Variants in ASB18 observed in about 807,000 individuals in gnomAD.
ASB18 encodes ankyrin repeat and SOCS box protein 18.
In ASB18, 33 loss-of-function variants were observed where a neutral mutation model predicts 33.4. That is an observed-to-expected ratio of 0.99 (90% confidence interval 0.75 to 1.32). The LOEUF (loss-of-function observed/expected upper bound fraction) is 1.32, where lower values mean the gene tolerates loss of function less well. ASB18 is among the 40% of genes most tolerant of loss of function. The pLI, the probability that ASB18 is intolerant of heterozygous loss-of-function variation, is 0.00. For synonymous variants in ASB18, 295 were observed against 307.6 expected (o/e 0.96, Z 0.43); for missense variants, 694 against 655.5 (o/e 1.06, Z -0.64).
In ASB18 at chr2:236,196,739, A is replaced by G. The variant is rs911602244; in HGVS notation, c.1102-354T>C. ...AGAGCTGCTCAGAGAAAAGGAATGA[A>G]GTTCTGCTAGGAGGAAGTTTGGCCC... On this transcript the variant is annotated intron_variant, in intron 4 of 5. Coordinates refer to ENST00000409749, the MANE Select transcript of ASB18 (RefSeq NM_212556.4). The surrounding 1 kb of genome is among the most constrained non-coding windows in gnomAD (Gnocchi z 5.6). Among the ~76,000 whole-genome samples, 3 of 152,174 alleles carry G rather than the reference A, an allele frequency of 2.0e-5. No individual in the cohort carries two copies. Among genetic ancestry groups the G allele is most frequent in the Non-Finnish European group, 2.9e-5 (2 of 68,030 alleles).
chr2:236,260,988 CAG>C lies in ASB18; in HGVS notation c.205+3151_205+3152del, dbSNP rs1253045109. ...ATGGAGACGTTGGTCTCGAGACAGA[CAG>C]TGAGTTTCCTGAGGTTACACAGCTC... On this transcript the variant is annotated intron_variant, in intron 1 of 5. Transcript: ENST00000409749. The surrounding 1 kb of genome is among the most constrained non-coding windows in gnomAD (Gnocchi z 5.1). Among the ~76,000 whole-genome samples the C allele has an allele frequency of 6.6e-6, 1 of 152,164 alleles. No individual in the cohort carries two copies. The highest frequency in any genetic ancestry group is 6.5e-5 in the Admixed American group (1 of 15,278).
chr2:236,198,743 C>T (rs1034352570), intron 4 of ASB18, among the ~76,000 whole-genome samples: 2 of 152,104 alleles, frequency 1.3e-5, no homozygotes. Context: ...ATGTCTTTTG[C>T]TCATTTTTCT....
At chr2:236,240,379 T>G (rs2060615950) in intron 2 of ASB18, among the ~76,000 whole-genome samples, 1 of 152,238 alleles carries the variant, frequency 6.6e-6, no homozygotes, top group South Asian at 2.1e-4. Context: ...GTCAGTTCTT[T>G]GGAAGCCAAC....
intron 4 of ASB18, among the ~76,000 whole-genome samples, chr2:236,207,860 G>A (rs2060442001): frequency 1.3e-5 from 2 of 150,648 alleles, no homozygotes; most frequent in South Asian, 4.2e-4. Context: ...TGACAGCCTG[G>A]AAACTTACGG....
rs1318130898 is a variant in ASB18 at position 236,205,338 on chromosome 2, CT to C, written c.1102-8954del. Among the ~76,000 whole-genome samples, 4 of 152,212 alleles carry C rather than the reference CT, an allele frequency of 2.6e-5. No homozygotes were observed. The highest frequency in any genetic ancestry group is 9.6e-5 in the African/African-American group (4 of 41,464). On this transcript the variant is annotated intron_variant, in intron 4 of 5. Transcript: ENST00000409749. This position sits in a 1 kb window ranked among gnomAD's most constrained non-coding sequence, Gnocchi z 5.4. Reference sequence around the variant, plus strand: ...GTGCGCAGGGCTGGCCCACTCCAGCCTTAGGCTACAGATGGCTGGTCCTCTG... The same window carrying C: ...GTGCGCAGGGCTGGCCCACTCCAGCCTAGGCTACAGATGGCTGGTCCTCTG...
chr2:236,220,954 C>T lies in ASB18; in HGVS notation c.597-6088G>A, dbSNP rs1035829335. 6.6e-6 allele frequency among the ~76,000 whole-genome samples: 1 copy of T among 152,166 alleles called. No homozygotes were observed. Among genetic ancestry groups the T allele is most frequent in the East Asian group, 1.9e-4 (1 of 5,188 alleles). ...ACAGGACACTGAAGGCAGGGCAAGGCGACCCATGGACCTCATTCTACGGGG... is the reference window on the plus strand; with the variant it reads ...ACAGGACACTGAAGGCAGGGCAAGGTGACCCATGGACCTCATTCTACGGGG... On this transcript the variant is annotated intron_variant, in intron 3 of 5. Transcript: ENST00000409749. This position sits in a 1 kb window ranked among gnomAD's most constrained non-coding sequence, Gnocchi z 5.1.
chr2:236,263,636 G>A lies in ASB18; in HGVS notation c.205+505C>T, dbSNP rs543703851. ...TATAATCCCAAAAAAGAAAAAAGCC[G>A]TATGAATCCTAATAAAGATGTTCGT... On this transcript the variant is annotated intron_variant, in intron 1 of 5. Coordinates refer to ENST00000409749, the MANE Select transcript of ASB18 (RefSeq NM_212556.4). The surrounding 1 kb of genome is among the most constrained non-coding windows in gnomAD (Gnocchi z 4.0). Among the ~76,000 whole-genome samples the A allele has an allele frequency of 5.3e-5, 8 of 152,282 alleles. No homozygotes were observed. In the East Asian group the frequency reaches 5.8e-4, roughly 11 times the overall value.
rs1239375043 is a variant in ASB18 at position 236,252,194 on chromosome 2, C to T, written c.206-10792G>A. ...GCTGAGACAGGAGAATTGCTTGAAC[C>T]CAGGAGGCAGAGGTTGCAGTGAGCC... On this transcript the variant is annotated intron_variant, in intron 1 of 5. Transcript: ENST00000409749. The surrounding 1 kb of genome is among the most constrained non-coding windows in gnomAD (Gnocchi z 7.9). 6.6e-6 allele frequency among the ~76,000 whole-genome samples: 1 copy of T among 151,456 alleles called. No individual in the cohort carries two copies. The highest frequency in any genetic ancestry group is 2.4e-5 in the African/African-American group (1 of 41,268).
In ASB18 at chr2:236,259,121, T is replaced by G. The variant is rs2060706664; in HGVS notation, c.205+5020A>C. 6.6e-6 allele frequency among the ~76,000 whole-genome samples: 1 copy of G among 152,216 alleles called. No individual in the cohort carries two copies. The highest frequency in any genetic ancestry group is 6.5e-5 in the Admixed American group (1 of 15,286). On this transcript the variant is annotated intron_variant, in intron 1 of 5. Coordinates refer to ENST00000409749, the MANE Select transcript of ASB18 (RefSeq NM_212556.4). The surrounding 1 kb of genome is among the most constrained non-coding windows in gnomAD (Gnocchi z 4.4). ...TCTGCAGCTACTAACCAATTGGTAT[T>G]GAAAAGAGGCAAGCACAAATAATGC...
In ASB18 at chr2:236,235,518, C is replaced by T. The variant is rs998493484; in HGVS notation, c.596+2171G>A. ...AAGTTCATGAAACAATGCTCAACAT[C>T]GCTAGTTACCAGGGAAATGAAAATC... On this transcript the variant is annotated intron_variant, in intron 3 of 5. Coordinates refer to ENST00000409749, the MANE Select transcript of ASB18 (RefSeq NM_212556.4). This position sits in a 1 kb window ranked among gnomAD's most constrained non-coding sequence, Gnocchi z 6.2. 9.2e-5 allele frequency among the ~76,000 whole-genome samples: 14 copies of T among 152,186 alleles called. No individual in the cohort carries two copies. Among genetic ancestry groups the T allele is most frequent in the African/African-American group, 2.9e-4 (12 of 41,442 alleles).
chr2:236,245,785 G>T lies in ASB18; in HGVS notation c.206-4383C>A, dbSNP rs575226388. The stretch of plus-strand genomic sequence containing the variant: ...TGGGAAGTTCTTCATGCCCCGCATG[G>T]TGTTCCACACAGAGAAGGTCTTCAA... On this transcript the variant is annotated intron_variant, in intron 1 of 5. Coordinates refer to ENST00000409749, the MANE Select transcript of ASB18 (RefSeq NM_212556.4). The surrounding 1 kb of genome is among the most constrained non-coding windows in gnomAD (Gnocchi z 4.7). Among the ~76,000 whole-genome samples the T allele has an allele frequency of 1.3e-5, 2 of 152,350 alleles. No individual in the cohort carries two copies. Among genetic ancestry groups the T allele is most frequent in the Non-Finnish European group, 2.9e-5 (2 of 68,036 alleles).
Position 236,214,622 on chromosome 2 carries a change from G to A in ASB18, c.841C>T (p.Arg281Trp), listed in dbSNP as rs1166063591. Residue 281 changes from arginine (R) to tryptophan (W), a missense_variant, in exon 4 of 6, where the codon CGG becomes TGG. By Grantham distance (101) the Arg-to-Trp change is moderately radical. Coordinates refer to ENST00000409749, the MANE Select transcript of ASB18 (RefSeq NM_212556.4). This position sits in a 1 kb window ranked among gnomAD's most constrained non-coding sequence, Gnocchi z 6.5. Reference protein sequence around the residue: ...RCLRLCALLLRRGAEADARDE... With the variant: ...RCLRLCALLLWRGAEADARDE... ...CGCGCGTCCGCCTCCGCCCCGCGCC[G>A]CAGCAGCAGCGCGCACAGGCGCAGG... is the stretch of plus-strand genomic sequence containing the variant. The A allele has an allele frequency of 1.7e-6, 2 of 1,195,554 alleles. No individual in the cohort carries two copies. The highest frequency in any genetic ancestry group is 2.1e-6 in the Non-Finnish European group (2 of 966,550). The allele number at this position is 1,195,554 out of a possible 1,614,324, so 74.1% of individuals were successfully genotyped here. A position where few individuals can be genotyped will look rare whatever the true frequency, so the allele number is the denominator to read the frequency against.
rs1331383122 is a variant in ASB18, at chr2:236,256,905, G to A, written c.205+7236C>T. On this transcript the variant is annotated intron_variant, in intron 1 of 5. Transcript: ENST00000409749. The surrounding 1 kb of genome is among the most constrained non-coding windows in gnomAD (Gnocchi z 4.7). ...TGGGGAAAAAAAAAGAGCCTAGGGT[G>A]TGTGTCTCGTAGAAAGCAAAGAAAC... Among the ~76,000 whole-genome samples, 1 of 152,132 alleles carries A rather than the reference G, an allele frequency of 6.6e-6. No individual in the cohort carries two copies. The highest frequency in any genetic ancestry group is 1.5e-5 in the Non-Finnish European group (1 of 68,020).
Position 236,260,520 on chromosome 2 carries a change from T to TC in ASB18, c.205+3620dup, listed in dbSNP as rs1488596720. On this transcript the variant is annotated intron_variant, in intron 1 of 5. Coordinates refer to ENST00000409749, the MANE Select transcript of ASB18 (RefSeq NM_212556.4). This position sits in a 1 kb window ranked among gnomAD's most constrained non-coding sequence, Gnocchi z 5.1. ...CAGCTCTTTCTCCCATCAAGGATGG[T>TC]CCCCCCAAACTCGCCCTTACCTTGA... 1.3e-5 allele frequency among the ~76,000 whole-genome samples: 2 copies of TC among 152,060 alleles called. No individual in the cohort carries two copies. Among genetic ancestry groups the TC allele is most frequent in the South Asian group, 4.1e-4 (2 of 4,820 alleles).
rs2060542924 is a variant in ASB18 at position 236,226,946 on chromosome 2, G to A, written c.596+10743C>T. On this transcript the variant is annotated intron_variant, in intron 3 of 5. Coordinates refer to ENST00000409749, the MANE Select transcript of ASB18 (RefSeq NM_212556.4). This position sits in a 1 kb window ranked among gnomAD's most constrained non-coding sequence, Gnocchi z 4.8. ...AAAGTTAATATCTAATATTATTATG[G>A]TATATTTGTCAAAACTAAGAAATTA... is the stretch of plus-strand genomic sequence containing the variant. Among the ~76,000 whole-genome samples, 1 of 152,078 alleles carries A rather than the reference G, an allele frequency of 6.6e-6. No homozygotes were observed. The highest frequency in any genetic ancestry group is 2.4e-5 in the African/African-American group (1 of 41,418).
Position 236,195,431 on chromosome 2 carries a change from C to T in ASB18, c.1216-374G>A, listed in dbSNP as rs933525060. On this transcript the variant is annotated intron_variant, in intron 5 of 5. Coordinates refer to ENST00000409749, the MANE Select transcript of ASB18 (RefSeq NM_212556.4). This position sits in a 1 kb window ranked among gnomAD's most constrained non-coding sequence, Gnocchi z 5.5. ...CTTCTGCCAGGGAGGGGCTCAGGAG[C>T]GAGTGCATGGCATTGGTCTGGTGGT... Among the ~76,000 whole-genome samples, 41 of 152,132 alleles carry T rather than the reference C, an allele frequency of 2.7e-4. No homozygotes were observed. The highest frequency in any genetic ancestry group is 3.2e-3 in the Middle Eastern group (1 of 316).
intron 4 of ASB18, among the ~76,000 whole-genome samples, chr2:236,199,823 G>T (rs567325080): frequency 6.6e-6 from 1 of 151,828 alleles, no homozygotes; most frequent in Admixed American, 6.6e-5. Context: ...TTAACAAGTA[G>T]ACCATTATTG....
chr2:236,237,564 AGGGTCTGGGTCCGGAGGCG>A lies in ASB18; in HGVS notation c.596+106_596+124del, dbSNP rs2060600339. 1 of 683,232 alleles carries A rather than the reference AGGGTCTGGGTCCGGAGGCG, an allele frequency of 1.5e-6. No homozygotes were observed. Among genetic ancestry groups the A allele is most frequent in the Non-Finnish European group, 2.0e-6 (1 of 492,784 alleles). 42.3% of individuals were successfully genotyped at this position (683,232 alleles called of 1,614,324 possible). ...ATCCAGTGGGCAGAGTCAAGGGTGC[AGGGTCTGGGTCCGGAGGCG>A]GGGGCTGGGACGGAGGCGGAGGCGG... is the stretch of plus-strand genomic sequence containing the variant. On this transcript the variant is annotated intron_variant, in intron 3 of 5. Coordinates refer to ENST00000409749, the MANE Select transcript of ASB18 (RefSeq NM_212556.4). This position sits in a 1 kb window ranked among gnomAD's most constrained non-coding sequence, Gnocchi z 6.2.
Position 236,244,619 on chromosome 2 carries a change from C to T in ASB18, c.206-3217G>A, listed in dbSNP as rs763651796. ...CTGCCTTGTGACTCCCCCTACCCCT[C>T]GTCAAGTGCCCCCCGACCTCTGAGT... On this transcript the variant is annotated intron_variant, in intron 1 of 5. Transcript: ENST00000409749. The surrounding 1 kb of genome is among the most constrained non-coding windows in gnomAD (Gnocchi z 6.1). Among the ~76,000 whole-genome samples the T allele has an allele frequency of 2.0e-5, 3 of 152,096 alleles. No homozygotes were observed. The highest frequency in any genetic ancestry group is 4.4e-5 in the Non-Finnish European group (3 of 68,028).
Sources: allele counts gnomAD v4.1 joint callset (sites outside exome capture counted in the v4.1 genomes callset), GRCh38; gene constraint gnomAD v4.1.1; non-coding constraint Gnocchi (gnomAD v3.1); transcripts MANE v1.5; gene names NCBI Gene and HGNC (gene_info 2026-07-23, HGNC 2026-07-21).